ANLN: variants seen among roughly 807,000 people sequenced by gnomAD.
ANLN encodes the protein anillin, actin binding protein.
ANLN carries 59 observed loss-of-function variants against 135.1 expected under a neutral mutation model. The ratio of observed to expected loss-of-function variants is 0.44; its 90% CI spans 0.35 to 0.54. ANLN has a LOEUF of 0.54. ANLN is among the 20% of genes least tolerant of loss of function. ANLN has a pLI of 0.00. For synonymous variants in ANLN, 406 were observed against 456.4 expected, an observed-to-expected ratio of 0.89 and a Z score of 1.41; for missense variants, 1,182 against 1,340.0, an observed-to-expected ratio of 0.88 and a Z score of 1.84.
chr7:36,446,695 T>TC (rs1331540743), intron 22 of ANLN, among the ~76,000 whole-genome samples: 1 of 152,200 alleles, frequency 6.6e-6, no homozygotes, highest in African/African-American at 2.4e-5. Flanking sequence ...CATGATCCAG[T>TC]CACCTCCCAG....
intron 22 of ANLN, among the ~76,000 whole-genome samples, chr7:36,444,196 A>T (rs369608954): frequency 6.6e-6 from 1 of 152,086 alleles, no homozygotes; most frequent in African/African-American, 2.4e-5. Context: ...AGGCTGAGGC[A>T]GGAGAATCTC....
rs1357803432 is a variant in ANLN at position 36,421,938 on chromosome 7, C to T, written c.2245C>T (p.His749Tyr). ...TCTTAACTGCTGTGTTGATGAAGAACATGGAAAAGGGTCCCTAGAAGAAGC... is the reference window on the plus strand; with the variant it reads ...TCTTAACTGCTGTGTTGATGAAGAATATGGAAAAGGGTCCCTAGAAGAAGC... ...QALNCCVDEE[H>Y]GKGSLEEAEA... Residue 749 changes from histidine (H) to tyrosine (Y), a missense_variant, in exon 13 of 24, where the codon CAT becomes TAT. Transcript: ENST00000265748. 3 of 1,613,720 alleles carry T rather than the reference C, an allele frequency of 1.9e-6. No individual in the cohort carries two copies. The East Asian group carries it at 6.7e-5, about 36-fold the overall frequency.
intron 20 of ANLN, among the ~76,000 whole-genome samples, chr7:36,432,404 C>T (rs1358143050): frequency 1.3e-5 from 2 of 152,184 alleles, no homozygotes; most frequent in African/African-American, 4.8e-5. Flanking sequence ...CCTTTGCTGG[C>T]ATTAAATATT....
chr7:36,393,998 C>T (rs1312371745), intron 1 of ANLN, among the ~76,000 whole-genome samples: 1 of 152,140 alleles, frequency 6.6e-6, no homozygotes, highest in Non-Finnish European at 1.5e-5. Flanking sequence ...CACTCTGTTA[C>T]CCAGGCTGGA....
chr7:36,439,300 A>T lies in ANLN; in HGVS notation c.2970+10A>T. On this transcript the variant is annotated intron_variant, in intron 21 of 23. Coordinates refer to ENST00000265748, the MANE Select transcript of ANLN (RefSeq NM_018685.5). ...AGAAAGAGGTTTTCTAGTAAGTAAC[A>T]TCACTTAGTCTTTAACTTCCTTTTT... is the stretch of plus-strand genomic sequence containing the variant. 7.0e-7 allele frequency: 1 copy of T among 1,435,704 alleles called. No homozygotes were observed. Among genetic ancestry groups the T allele is most frequent in the Non-Finnish European group, 9.7e-7 (1 of 1,034,882 alleles). 88.9% of individuals were successfully genotyped at this position (1,435,704 alleles called of 1,614,324 possible). A position where few individuals can be genotyped will look rare whatever the true frequency, so the allele number is the denominator to read the frequency against.
chr7:36,425,910 A>ATTTCG, intron 18 of ANLN, 105 bp from the exon 19 acceptor site: 1 of 1,177,412 alleles, frequency 8.5e-7, no homozygotes, highest in Non-Finnish European at 1.2e-6. Flanking sequence ...TCTGAAATGT[A>ATTTCG]TTTCTTATTG....
intron 3 of ANLN, among the ~76,000 whole-genome samples, chr7:36,401,369 C>T (rs1257003310): frequency 6.6e-6 from 1 of 152,142 alleles, no homozygotes; most frequent in Admixed American, 6.5e-5. Context: ...GACAGAGTCT[C>T]ACTGTGCTGC....
chr7:36,420,226 C>G lies in ANLN; in HGVS notation c.1927C>G (p.Pro643Ala). 1 of 1,614,032 alleles carries G rather than the reference C, an allele frequency of 6.2e-7. No individual in the cohort carries two copies. Among genetic ancestry groups the G allele is most frequent in the Non-Finnish European group, 8.5e-7 (1 of 1,179,970 alleles). Residue 643 changes from proline (P) to alanine (A), a missense_variant, in exon 11 of 24, where the codon CCA becomes GCA. By Grantham distance (27) the Pro-to-Ala change is conservative. Around this residue, in one of 3 missense-constraint regions of ANLN, gnomAD observed 1,022 missense variants for 1,134.0 expected, o/e 0.90. Coordinates refer to ENST00000265748, the MANE Select transcript of ANLN (RefSeq NM_018685.5). ...AGACACCAGCAGAAGTGATGAAAGT[C>G]CAAAACCAGGAAAATTCCAAAGAAC... Reference protein sequence around the residue: ...LKDTSRSDESPKPGKFQRTRV... With the variant: ...LKDTSRSDESAKPGKFQRTRV...
At position 36,419,355 on chromosome 7, in the gene ANLN, A is replaced by C; in HGVS notation, c.1745A>C (p.Lys582Thr). The change falls in exon 10 of 24, where the codon AAG becomes ACG. Residue 582 changes from lysine to threonine, a missense_variant. Around this residue, in one of 3 missense-constraint regions of ANLN, gnomAD observed 1,022 missense variants for 1,134.0 expected, o/e 0.90. Coordinates refer to ENST00000265748, the MANE Select transcript of ANLN (RefSeq NM_018685.5). Reference protein sequence around the residue: ...VLEEGELDMEKSQEEMDQALA... With the variant: ...VLEEGELDMETSQEEMDQALA... Reference sequence around the variant, plus strand: ...GAGGAAGGTGAACTAGATATGGAGAAGAGCCAAGAGGAGATGGATCAAGCA... The same window carrying C: ...GAGGAAGGTGAACTAGATATGGAGACGAGCCAAGAGGAGATGGATCAAGCA... 1 of 1,614,146 alleles carries C rather than the reference A, an allele frequency of 6.2e-7. No individual in the cohort carries two copies. The highest frequency in any genetic ancestry group is 8.5e-7 in the Non-Finnish European group (1 of 1,180,006).
intron 20 of ANLN, among the ~76,000 whole-genome samples, chr7:36,428,860 C>T (rs1334270841): frequency 1.4e-5 from 2 of 147,536 alleles, no homozygotes; most frequent in African/African-American, 5.0e-5. Flanking sequence ...CTCACTGCAA[C>T]CTCTGCCTCC....
intron 1 of ANLN, among the ~76,000 whole-genome samples, chr7:36,393,056 C>T (rs1197283680): frequency 1.3e-5 from 2 of 150,472 alleles, no homozygotes; most frequent in South Asian, 2.1e-4. Context: ...GTCAGAGTCT[C>T]GTTCTCGCCC....
chr7:36,415,869 A>C lies in ANLN; in HGVS notation c.1507A>C (p.Ser503Arg), dbSNP rs1583618151. ...AAACCAGATACCAGCCAAAAATTCT[A>C]GTACAGAACCTAAAGGTCAGTGTTT... ...TENQIPAKNS[S>R]TEPKGFTECE... The change falls in exon 8 of 24, where the codon AGT becomes CGT. Residue 503 changes from serine to arginine, a missense_variant. Ser to Arg is a moderately radical substitution (Grantham distance 110). Coordinates refer to ENST00000265748, the MANE Select transcript of ANLN (RefSeq NM_018685.5). 6.3e-6 allele frequency: 10 copies of C among 1,596,232 alleles called. No homozygotes were observed. Among genetic ancestry groups the C allele is most frequent in the Non-Finnish European group, 7.7e-6 (9 of 1,174,090 alleles).
intron 20 of ANLN, chr7:36,428,442 A>G (rs1004316644): frequency 2.7e-6 from 2 of 745,232 alleles, no homozygotes; most frequent in Non-Finnish European, 3.9e-6. Flanking sequence ...TTGTTTTACT[A>G]ACTATCTTTT....
chr7:36,440,439 C>T (rs11765530), intron 21 of ANLN, among the ~76,000 whole-genome samples: 7,787 of 152,194 alleles, frequency 0.051, 309 homozygotes, highest in Non-Finnish European at 0.08. Context: ...CAAATGGGTC[C>T]AGAGTGAGTG....
chr7:36,447,390 C>G (rs967990215), intron 22 of ANLN, among the ~76,000 whole-genome samples: 1 of 149,078 alleles, frequency 6.7e-6, no homozygotes, highest in Non-Finnish European at 1.5e-5. Context: ...TACTTGAACA[C>G]AAGCACTGCA....
At chr7:36,411,926 C>T (rs911814434) in intron 7 of ANLN, among the ~76,000 whole-genome samples, 5 of 152,140 alleles carry the variant, frequency 3.3e-5, no homozygotes, top group Non-Finnish European at 2.9e-5. Flanking sequence ...TGATGATGCT[C>T]AGCTCCGTTG....
intron 3 of ANLN, among the ~76,000 whole-genome samples, chr7:36,403,059 G>A (rs1375612926): frequency 6.6e-6 from 1 of 152,168 alleles, no homozygotes; most frequent in African/African-American, 2.4e-5. Flanking sequence ...GGAGGTTGCA[G>A]TGAGCCGAGA....
rs549866855 is a variant in ANLN at position 36,410,773 on chromosome 7, T to C, written c.1287+69T>C. The C allele has an allele frequency of 1.1e-4, 166 of 1,446,210 alleles. 1 individual carries two copies. Among genetic ancestry groups the C allele is most frequent in the Non-Finnish European group, 1.8e-5 (19 of 1,066,496 alleles). 89.6% of individuals were successfully genotyped at this position (1,446,210 alleles called of 1,614,324 possible). ...CATAGAACCTAGAAATCAAAATGGGTTCTGATGCCAGTCTTTTTGACTGAG... is the reference window on the plus strand; with the variant it reads ...CATAGAACCTAGAAATCAAAATGGGCTCTGATGCCAGTCTTTTTGACTGAG... On this transcript the variant is annotated intron_variant, in intron 6 of 23. Transcript: ENST00000265748.
At chr7:36,421,387 TTA>T (rs1562803536) in intron 12 of ANLN, among the ~76,000 whole-genome samples, 1 of 151,730 alleles carries the variant, frequency 6.6e-6, no homozygotes, top group Non-Finnish European at 1.5e-5. Context: ...AATATTTTAA[TTA>T]TAAAAAAAAA....
Sources: gnomAD v4.1 joint callset for allele counts (sites outside exome capture counted in the v4.1 genomes callset) on GRCh38, gnomAD v4.1.1 for gene constraint, gnomAD v4.1.1 regional missense constraint, MANE v1.5 for transcripts, NCBI Gene and HGNC (gene_info 2026-07-23, HGNC 2026-07-21) for gene names.